Variants in RABL3 observed in about 807,000 individuals in gnomAD.
RABL3 encodes RAB, member of RAS oncogene family like 3.
RABL3 carries 31 observed loss-of-function variants against 31.8 expected under a neutral mutation model. The ratio of observed to expected loss-of-function variants is 0.97; its 90% confidence interval spans 0.73 to 1.31. The LOEUF (loss-of-function observed/expected upper bound fraction) is 1.31, where lower values mean the gene tolerates loss of function less well. Among genes scored for constraint, RABL3 ranks in the 40% most tolerant of loss-of-function variants. RABL3 has a pLI of 0.00. For synonymous variants in RABL3, 97 were observed against 99.9 expected, an observed-to-expected ratio of 0.97 and a Z score of 0.18; for missense variants, 263 against 279.6, an observed-to-expected ratio of 0.94 and a Z score of 0.42.
intron 1 of RABL3, among the ~76,000 whole-genome samples, chr3:120,736,602 T>C (rs527450769): frequency 0.011 from 1,728 of 152,274 alleles, 33 homozygotes; most frequent in African/African-American, 0.04. Flanking sequence ...TTTTGCTCAT[T>C]AGTTGATGCA....
chr3:120,703,021 A>G (rs1156961639), intron 4 of RABL3, among the ~76,000 whole-genome samples: 1 of 152,200 alleles, frequency 6.6e-6, no homozygotes, highest in Non-Finnish European at 1.5e-5. Context: ...GAGCCCCAGC[A>G]AATCACAAAG....
chr3:120,685,595 G>T lies in RABL3; in HGVS notation c.*4228C>A, dbSNP rs1708299470. Among the ~76,000 whole-genome samples the T allele has an allele frequency of 6.6e-6, 1 of 152,176 alleles. No individual in the cohort carries two copies. Among genetic ancestry groups the T allele is most frequent in the South Asian group, 2.1e-4 (1 of 4,826 alleles). ...TACTTGTTTTGCCAACAGAAGACAT[G>T]ACAATCATCTCATGTTTAATTTGGC... On this transcript the variant is annotated 3_prime_UTR_variant, in exon 8 of 8. Coordinates refer to ENST00000273375, the MANE Select transcript of RABL3 (RefSeq NM_173825.5).
chr3:120,720,986 C>T (rs1192148129), intron 2 of RABL3, among the ~76,000 whole-genome samples: 4 of 152,232 alleles, frequency 2.6e-5, no homozygotes, highest in African/African-American at 9.6e-5. Context: ...CAGCTGATCT[C>T]TTGGCAGAAA....
At chr3:120,741,978 C>T (rs755408929) in intron 1 of RABL3, among the ~76,000 whole-genome samples, 5 of 152,148 alleles carry the variant, frequency 3.3e-5, no homozygotes, top group Non-Finnish European at 7.3e-5. Flanking sequence ...AATGGGATAA[C>T]AGGACTGTCT....
At chr3:120,737,219 C>T (rs61796373) in intron 1 of RABL3, among the ~76,000 whole-genome samples, 9,845 of 152,144 alleles carry the variant, frequency 0.065, 537 homozygotes, top group African/African-American at 0.14. Context: ...AGCCTTTGTT[C>T]GTTCTTTTTA....
Position 120,689,769 on chromosome 3 carries a change from T to C in RABL3, c.*54A>G, listed in dbSNP as rs1708357340. 4 of 1,154,754 alleles carry C rather than the reference T, an allele frequency of 3.5e-6. No individual in the cohort carries two copies. The highest frequency in any genetic ancestry group is 2.5e-5 in the South Asian group (2 of 81,342). 71.5% of individuals were successfully genotyped at this position (1,154,754 alleles called of 1,614,324 possible). A position where few individuals can be genotyped will look rare whatever the true frequency, so the allele number is the denominator to read the frequency against. The stretch of plus-strand genomic sequence containing the variant: ...ATGGTAATAATTGAACACAGCAAGA[T>C]GAGCTGTGAAAAACTGCCACTGCTT... On this transcript the variant is annotated 3_prime_UTR_variant, in exon 8 of 8. Transcript: ENST00000273375.
At chr3:120,725,069 T>A (rs1708800820) in intron 2 of RABL3, among the ~76,000 whole-genome samples, 3 of 148,882 alleles carry the variant, frequency 2.0e-5, no homozygotes, top group Non-Finnish European at 4.4e-5. Flanking sequence ...AGGGCTAATA[T>A]CCAGAATCTA....
intron 1 of RABL3, among the ~76,000 whole-genome samples, 179 bp downstream of exon 1, chr3:120,742,283 G>A (rs183340784): frequency 3.0e-3 from 457 of 151,896 alleles, no homozygotes; most frequent in Non-Finnish European, 5.2e-3. Context: ...GCGCGACGAC[G>A]CCGCCGCCAC....
intron 4 of RABL3, among the ~76,000 whole-genome samples, chr3:120,705,182 T>TA (rs1708534762): frequency 6.6e-6 from 1 of 152,186 alleles, no homozygotes; most frequent in African/African-American, 2.4e-5. Context: ...AATTTAGAGA[T>TA]ATATTGTGTT....
intron 2 of RABL3, among the ~76,000 whole-genome samples, chr3:120,715,441 G>A (rs1029083491): frequency 3.3e-5 from 5 of 152,150 alleles, no homozygotes; most frequent in Non-Finnish European, 7.4e-5. Flanking sequence ...AGGAGGCTGA[G>A]GCACAAGAAT....
intron 1 of RABL3, among the ~76,000 whole-genome samples, chr3:120,734,886 G>C (rs1008114819): frequency 1.1e-4 from 17 of 152,198 alleles, no homozygotes; most frequent in Non-Finnish European, 7.3e-5. Context: ...GCATCCCAGG[G>C]ATGAAGCCCA....
chr3:120,715,374 C>A (rs1321072273), intron 2 of RABL3, among the ~76,000 whole-genome samples: 4 of 152,004 alleles, frequency 2.6e-5, no homozygotes, highest in Non-Finnish European at 5.9e-5. Flanking sequence ...CCTGTCTCTA[C>A]TAAAAATACA....
chr3:120,736,902 G>A (rs1360780579), intron 1 of RABL3, among the ~76,000 whole-genome samples: 3 of 149,048 alleles, frequency 2.0e-5, no homozygotes, highest in Non-Finnish European at 4.5e-5. Context: ...TGAGAGATAC[G>A]CTGATGGGCT....
At chr3:120,741,711 A>C (rs922900326) in intron 1 of RABL3, among the ~76,000 whole-genome samples, 1 of 152,162 alleles carries the variant, frequency 6.6e-6, no homozygotes, top group African/African-American at 2.4e-5. Context: ...ACTAGGATTA[A>C]ATTGGGCTCA....
intron 3 of RABL3, among the ~76,000 whole-genome samples, chr3:120,707,348 T>A (rs1355934282): frequency 6.6e-6 from 1 of 152,122 alleles, no homozygotes; most frequent in Non-Finnish European, 1.5e-5. Context: ...TTAATCAGCA[T>A]CAGTGGCACA....
intron 4 of RABL3, among the ~76,000 whole-genome samples, chr3:120,702,906 G>A (rs1251676396): frequency 6.6e-6 from 1 of 152,118 alleles, no homozygotes; most frequent in Non-Finnish European, 1.5e-5. Flanking sequence ...AGACAGTGGG[G>A]CAAACTCCCA....
intron 1 of RABL3, among the ~76,000 whole-genome samples, chr3:120,735,379 T>G (rs1373166218): frequency 6.6e-6 from 1 of 152,216 alleles, no homozygotes. Context: ...TTCTGTGGGA[T>G]CGGTGGTGAT....
intron 2 of RABL3, among the ~76,000 whole-genome samples, chr3:120,729,020 G>A (rs1708853544): frequency 6.6e-6 from 1 of 152,164 alleles, no homozygotes; most frequent in Non-Finnish European, 1.5e-5. Context: ...AAAAGTATAT[G>A]TGAGTGAGTG....
intron 6 of RABL3, among the ~76,000 whole-genome samples, chr3:120,691,103 C>A (rs1046406773): frequency 4.6e-5 from 7 of 152,084 alleles, no homozygotes; most frequent in Non-Finnish European, 1.0e-4. Context: ...CATGTTCAAG[C>A]AGCAGATGTA....
Sources: allele counts gnomAD v4.1 joint callset (sites outside exome capture counted in the v4.1 genomes callset), GRCh38; gene constraint gnomAD v4.1.1; transcripts MANE v1.5; gene names NCBI Gene and HGNC (gene_info 2026-07-23, HGNC 2026-07-21).